Variants in POR observed in about 807,000 individuals in gnomAD.
POR encodes the protein cytochrome p450 oxidoreductase, also known as NADPH--cytochrome P450 reductase.
POR carries 56 observed loss-of-function variants against 84.0 expected under a neutral mutation model. The observed-to-expected ratio is 0.67, with a 90% CI of 0.54 to 0.83. POR has a LOEUF of 0.83. Ranked by LOEUF, POR falls within the 40% of genes least tolerant of loss-of-function variation. POR has a pLI of 0.00. For missense variants in POR, 938 were observed against 944.3 expected (o/e 0.99, Z 0.09); for synonymous variants, 414 against 400.5 (o/e 1.03, Z -0.40).
chr7:75,979,017 G>C (rs577969107), intron 3 of POR, among the ~76,000 whole-genome samples: 1 of 151,848 alleles, frequency 6.6e-6, no homozygotes, highest in Non-Finnish European at 1.5e-5. Flanking sequence ...GGCTGGTCTT[G>C]AACTCCTGAC....
At chr7:75,953,272 C>T (rs1554553180) in intron 1 of POR, among the ~76,000 whole-genome samples, 3 of 134,058 alleles carry the variant, frequency 2.2e-5, no homozygotes, top group African/African-American at 5.6e-5. Context: ...GGCAGCAGTA[C>T]AGTCCAGCTT....
At chr7:75,942,875 C>A (rs1554551715) in intron 1 of POR, among the ~76,000 whole-genome samples, 3 of 151,776 alleles carry the variant, frequency 2.0e-5, no homozygotes, top group Non-Finnish European at 4.4e-5. Context: ...AACATCAAGT[C>A]TGCAGCAAAA....
intron 2 of POR, among the ~76,000 whole-genome samples, chr7:75,965,471 C>T (rs117495711): frequency 1.1e-4 from 17 of 152,304 alleles, no homozygotes; most frequent in East Asian, 9.7e-4. Flanking sequence ...TTTGCTCCCT[C>T]GGACCCCTAG....
chr7:75,935,637 G>A (rs995243364), intron 1 of POR, among the ~76,000 whole-genome samples: 7 of 148,816 alleles, frequency 4.7e-5, no homozygotes, highest in Non-Finnish European at 1.0e-4. Flanking sequence ...GTGTGTGTGT[G>A]TGTGTGTGTG....
intron 5 of POR, 50 bp downstream of exon 5, chr7:75,980,538 C>T (rs549710355): frequency 6.2e-7 from 1 of 1,612,550 alleles, no homozygotes; most frequent in African/African-American, 1.3e-5. Flanking sequence ...GCGGTGCCTC[C>T]CTGGGGACTC....
chr7:75,978,185 A>C (rs571989595), intron 3 of POR, among the ~76,000 whole-genome samples: 1 of 152,242 alleles, frequency 6.6e-6, no homozygotes, highest in Non-Finnish European at 1.5e-5. Context: ...AAGAAAATAC[A>C]TATGTATGTT....
At position 75,952,895 on chromosome 7, in the gene POR, A is replaced by ACGCTCCT. The variant is rs1288245213; in HGVS notation, c.-4-1092_-4-1086dup. On this transcript the variant is annotated intron_variant, in intron 1 of 15. Transcript: ENST00000461988. ...CCAGACGATGGGCAGCCAGGCAGAG[A>ACGCTCCT]CGCTCCTCACTTCCCAGACGGGGTG... 3.3e-5 allele frequency among the ~76,000 whole-genome samples: 5 copies of ACGCTCCT among 149,354 alleles called. No individual in the cohort carries two copies. In the East Asian group the frequency reaches 8.0e-4, roughly 24 times the overall value.
rs369749344 is a variant in POR at position 75,982,322 on chromosome 7, C to G, written c.830C>G (p.Pro277Arg). The G allele has an allele frequency of 1.9e-6, 3 of 1,610,082 alleles. No homozygotes were observed. Among genetic ancestry groups the G allele is most frequent in the Middle Eastern group, 1.7e-4 (1 of 6,058 alleles). Residue 277 changes from proline to arginine, a missense_variant and splice_region_variant, in exon 8 of 16, where the codon CCC becomes CGC. Pro to Arg is a moderately radical substitution (Grantham distance 103). Coordinates refer to ENST00000461988, the MANE Select transcript of POR (RefSeq NM_000941.3). ...CTGAAGAGCTACGAGAACCAGAAGCCGTGAGTGGAGGGAGCGTGGCTTGGG... is the reference window on the plus strand; with the variant it reads ...CTGAAGAGCTACGAGAACCAGAAGCGGTGAGTGGAGGGAGCGTGGCTTGGG...
At chr7:75,978,559 T>C (rs183169460) in intron 3 of POR, among the ~76,000 whole-genome samples, 50 of 152,340 alleles carry the variant, frequency 3.3e-4, no homozygotes, top group African/African-American at 1.2e-3. Context: ...GTTTTGCTCT[T>C]GTAGCCCAGG....
Position 75,985,862 on chromosome 7 carries a change from C to A in POR, c.1669+13C>A. ...CTGCGACAGCAGGGTGAGTGGGGTCCCATGGGGGAGAGGGGGTGACGACTG... is the reference window on the plus strand; with the variant it reads ...CTGCGACAGCAGGGTGAGTGGGGTCACATGGGGGAGAGGGGGTGACGACTG... On this transcript the variant is annotated intron_variant, in intron 13 of 15. Transcript: ENST00000461988. 6.5e-7 allele frequency: 1 copy of A among 1,549,938 alleles called. No homozygotes were observed. The highest frequency in any genetic ancestry group is 1.2e-5 in the South Asian group (1 of 83,598).
rs372402257 is a variant in POR, at chr7:75,920,227, G to A, written c.-5+5048G>A. ...ATTACAGGCGCGTGCCATCACGCCC[G>A]GCTAATTTTTTTTTGTATTTTTAGT... On this transcript the variant is annotated intron_variant, in intron 1 of 15. Transcript: ENST00000461988. Among the ~76,000 whole-genome samples, 12 of 151,766 alleles carry A rather than the reference G, an allele frequency of 7.9e-5. No homozygotes were observed. The South Asian group carries it at 1.0e-3, about 13-fold the overall frequency.
chr7:75,946,005 C>A (rs368235269), intron 1 of POR, among the ~76,000 whole-genome samples: 1 of 152,174 alleles, frequency 6.6e-6, no homozygotes, highest in African/African-American at 2.4e-5. Context: ...CAGTGCCCCC[C>A]AGCCTGTGTG....
chr7:75,973,764 C>T (rs186413722), intron 3 of POR, among the ~76,000 whole-genome samples: 99 of 135,556 alleles, frequency 7.3e-4, no homozygotes, highest in African/African-American at 2.7e-3. Flanking sequence ...TCACTGCAAC[C>T]TTCACCTCCT....
At chr7:75,929,830 A>C (rs1189211755) in intron 1 of POR, among the ~76,000 whole-genome samples, 1 of 152,150 alleles carries the variant, frequency 6.6e-6, no homozygotes, top group Admixed American at 6.6e-5. Flanking sequence ...GTGGTCCTCT[A>C]TGCACTAGTA....
At chr7:75,966,104 G>T (rs782814620) in intron 2 of POR, among the ~76,000 whole-genome samples, 1 of 152,176 alleles carries the variant, frequency 6.6e-6, no homozygotes, top group South Asian at 2.1e-4. Context: ...ACTGCACAGG[G>T]TGGTGAGGAT....
At chr7:75,934,875 C>T (rs2116300470) in intron 1 of POR, among the ~76,000 whole-genome samples, 1 of 152,308 alleles carries the variant, frequency 6.6e-6, no homozygotes, top group South Asian at 2.1e-4. Flanking sequence ...CAGCCTCCAC[C>T]TAGATTTCAG....
rs781794995 is a variant in POR at position 75,985,794 on chromosome 7, C to T, written c.1614C>T (p.Thr538=). The T allele has an allele frequency of 1.4e-4, 212 of 1,567,024 alleles. No homozygotes were observed. Among genetic ancestry groups the T allele is most frequent in the Middle Eastern group, 8.3e-4 (5 of 6,008 alleles). ...CTGTCATCATGGTGGGCCCCGGCAC[C>T]GGGGTGGCACCCTTCATAGGCTTCA... Residue 538 remains threonine (T), a synonymous_variant, in exon 13 of 16, where the codon ACC becomes ACT. Transcript: ENST00000461988.
At chr7:75,971,872 A>T (rs1301943403) in intron 2 of POR, among the ~76,000 whole-genome samples, 1 of 151,942 alleles carries the variant, frequency 6.6e-6, no homozygotes, top group Non-Finnish European at 1.5e-5. Context: ...TGGTTTGTGG[A>T]GGGGAGTGGC....
intron 2 of POR, among the ~76,000 whole-genome samples, chr7:75,965,644 T>C (rs1788146308): frequency 6.6e-6 from 1 of 152,126 alleles, no homozygotes. Context: ...CTCTTCTCTG[T>C]CTCCGGAAAA....
Sources: gnomAD v4.1 joint callset for allele counts (sites outside exome capture counted in the v4.1 genomes callset) on GRCh38, gnomAD v4.1.1 for gene constraint, MANE v1.5 for transcripts, NCBI Gene and HGNC (gene_info 2026-07-23, HGNC 2026-07-21) for gene names.